SIL1: variants seen among roughly 807,000 people sequenced by gnomAD.
The protein encoded by SIL1 is nucleotide exchange factor SIL1.
In SIL1, 40 loss-of-function variants were observed where a neutral mutation model predicts 49.1. That is an observed-to-expected ratio of 0.81 (90% confidence interval 0.63 to 1.06). The LOEUF (loss-of-function observed/expected upper bound fraction) is 1.06. Ranked by LOEUF, SIL1 falls within the 50% of genes least tolerant of loss-of-function variation. The pLI, the probability that SIL1 is intolerant of heterozygous loss-of-function variation, is 0.00. For synonymous variants in SIL1, 253 were observed against 250.8 expected (o/e 1.01, Z -0.08); for missense variants, 500 against 572.6 (o/e 0.87, Z 1.29).
chr5:139,101,337 A>G (rs952355446), intron 3 of SIL1, among the ~76,000 whole-genome samples: 1 of 152,148 alleles, frequency 6.6e-6, no homozygotes, highest in South Asian at 2.1e-4. Context: ...AGCTTTTCCA[A>G]GCCCCAATTA....
chr5:139,058,308 G>A (rs1769503394), intron 3 of SIL1, among the ~76,000 whole-genome samples: 1 of 151,666 alleles, frequency 6.6e-6, no homozygotes, highest in South Asian at 2.1e-4. Context: ...GACAGTGGCA[G>A]TAATTGCACA....
At chr5:138,975,716 A>G (rs1767380843) in intron 7 of SIL1, among the ~76,000 whole-genome samples, 3 of 152,166 alleles carry the variant, frequency 2.0e-5, no homozygotes, top group African/African-American at 7.2e-5. Context: ...TTGCTGTCCT[A>G]TGTTGTTCAC....
At chr5:139,074,596 C>G (rs1287305427) in intron 3 of SIL1, among the ~76,000 whole-genome samples, 1 of 152,162 alleles carries the variant, frequency 6.6e-6, no homozygotes, top group Non-Finnish European at 1.5e-5. Flanking sequence ...TGCCTTTATT[C>G]CACATGACCT....
chr5:139,179,612 C>T (rs917907002), intron 1 of SIL1, among the ~76,000 whole-genome samples: 1 of 152,092 alleles, frequency 6.6e-6, no homozygotes, highest in African/African-American at 2.4e-5. Context: ...ATTTTTTGAG[C>T]ACCACTTAGT....
intron 7 of SIL1, among the ~76,000 whole-genome samples, chr5:138,999,093 G>A (rs138793579): frequency 8.5e-5 from 13 of 152,208 alleles, no homozygotes; most frequent in African/African-American, 2.9e-4. Context: ...CTGGCCTCAG[G>A]TGAAATGCCC....
intron 1 of SIL1, among the ~76,000 whole-genome samples, chr5:139,147,553 C>G (rs1374820596): frequency 6.6e-6 from 1 of 152,152 alleles, no homozygotes; most frequent in African/African-American, 2.4e-5. Flanking sequence ...CAATTCACTG[C>G]CTCAGCACTC....
intron 1 of SIL1, among the ~76,000 whole-genome samples, chr5:139,196,900 GA>G (rs1752285980): frequency 6.6e-6 from 1 of 151,878 alleles, no homozygotes; most frequent in South Asian, 2.1e-4. Context: ...TATCAGAAAA[GA>G]AAAAAACTTG....
At chr5:139,143,326 CACACACACACACACACACATAT>C (rs1426111924) in intron 1 of SIL1, among the ~76,000 whole-genome samples, 3 of 128,090 alleles carry the variant, frequency 2.3e-5, no homozygotes, top group African/African-American at 1.1e-4. Context: ...CACACACACA[CACACACACACACACACACATAT>C]ATATATATAT....
At chr5:139,085,836 T>C (rs1770205918) in intron 3 of SIL1, among the ~76,000 whole-genome samples, 1 of 152,018 alleles carries the variant, frequency 6.6e-6, no homozygotes, top group Admixed American at 6.6e-5. Context: ...GCCAGAAATC[T>C]CTGAGGGAGA....
At chr5:139,106,921 G>A (rs1342824892) in intron 3 of SIL1, among the ~76,000 whole-genome samples, 2 of 152,212 alleles carry the variant, frequency 1.3e-5, no homozygotes, top group African/African-American at 4.8e-5. Context: ...ATGAGCGTAG[G>A]GGTAGGCATC....
intron 3 of SIL1, among the ~76,000 whole-genome samples, chr5:139,111,973 C>G (rs370368846): frequency 3.3e-5 from 5 of 152,208 alleles, no homozygotes; most frequent in African/African-American, 1.2e-4. Context: ...GCCTGCCGAG[C>G]GCCTGCGATT....
chr5:139,183,756 G>A (rs1752032705), intron 1 of SIL1, among the ~76,000 whole-genome samples: 2 of 152,150 alleles, frequency 1.3e-5, no homozygotes, highest in Non-Finnish European at 2.9e-5. Context: ...GGTAAGAAGG[G>A]TCTCCAAGGA....
intron 9 of SIL1, among the ~76,000 whole-genome samples, chr5:138,950,637 C>A (rs1766748844): frequency 6.6e-6 from 1 of 152,148 alleles, no homozygotes; most frequent in South Asian, 2.1e-4. Flanking sequence ...CTCTCTCCTC[C>A]TTAATTAAGA....
chr5:139,101,481 T>C (rs1770586410), intron 3 of SIL1, among the ~76,000 whole-genome samples: 2 of 152,248 alleles, frequency 1.3e-5, no homozygotes, highest in African/African-American at 2.4e-5. Context: ...TTATCAGTTA[T>C]TGACCTGTGT....
At chr5:139,098,202 C>T (rs564526579) in intron 3 of SIL1, among the ~76,000 whole-genome samples, 3 of 152,086 alleles carry the variant, frequency 2.0e-5, no homozygotes, top group Non-Finnish European at 2.9e-5. Context: ...TATACTACAG[C>T]GCTATGGTAA....
intron 7 of SIL1, among the ~76,000 whole-genome samples, chr5:138,981,040 A>G (rs888095940): frequency 6.6e-6 from 1 of 152,094 alleles, no homozygotes; most frequent in Non-Finnish European, 1.5e-5. Context: ...CCCCATTTCT[A>G]TAAAAGATAC....
intron 1 of SIL1, among the ~76,000 whole-genome samples, chr5:139,141,837 G>T (rs1469271893): frequency 2.0e-5 from 3 of 152,174 alleles, no homozygotes; most frequent in Non-Finnish European, 4.4e-5. Context: ...TTAAATATCT[G>T]AGAAAACACT....
chr5:139,127,510 TCA>T (rs1750777034), intron 2 of SIL1, among the ~76,000 whole-genome samples: 1 of 152,164 alleles, frequency 6.6e-6, no homozygotes, highest in Non-Finnish European at 1.5e-5. Context: ...TTTATCATCA[TCA>T]TCATATTTTC....
At chr5:139,103,167 G>T (rs187430671) in intron 3 of SIL1, among the ~76,000 whole-genome samples, 51 of 152,262 alleles carry the variant, frequency 3.3e-4, no homozygotes, top group Admixed American at 1.8e-3. Context: ...TACCACTACC[G>T]CAATGACATC....
Sources: gnomAD v4.1 joint callset for allele counts (sites outside exome capture counted in the v4.1 genomes callset) on GRCh38, gnomAD v4.1.1 for gene constraint, MANE v1.5 for transcripts, NCBI Gene and HGNC (gene_info 2026-07-23, HGNC 2026-07-21) for gene names.